PDE1A: variants seen among roughly 807,000 people sequenced by gnomAD.
The protein encoded by PDE1A is phosphodiesterase 1A.
Under a neutral mutation model 61.7 loss-of-function variants are expected in PDE1A, and 35 were observed. The ratio of observed to expected loss-of-function variants is 0.57; its 90% CI spans 0.43 to 0.75. The LOEUF (loss-of-function observed/expected upper bound fraction) is 0.75, where lower values mean the gene tolerates loss of function less well. Ranked by LOEUF, PDE1A falls within the 30% of genes least tolerant of loss-of-function variation. The pLI is 0.00. For missense variants in PDE1A, 597 were observed against 630.6 expected, an observed-to-expected ratio of 0.95 and a Z score of 0.57; for synonymous variants, 232 against 213.2, an observed-to-expected ratio of 1.09 and a Z score of -0.77.
At chr2:182,565,326 C>G in the PDE1A span, among the ~76,000 whole-genome samples, 2 of 152,266 alleles carry the variant, frequency 1.3e-5, no homozygotes, top group South Asian at 2.1e-4. Flanking sequence ...CACTCCAGAC[C>G]CTGTTTGCCT....
At chr2:182,516,694 GAGGAAGGGAGGA>G (rs1211773318) in intron 2 of PDE1A, among the ~76,000 whole-genome samples, 3 of 51,034 alleles carry the variant, frequency 5.9e-5, no homozygotes, top group South Asian at 1.8e-3. Flanking sequence ...GGAGGGAAGG[GAGGAAGGGAGGA>G]AGGAAGGAAG....
At chr2:182,250,973 T>C (rs1398670269) in intron 2 of PDE1A, among the ~76,000 whole-genome samples, 3 of 152,106 alleles carry the variant, frequency 2.0e-5, no homozygotes, top group Non-Finnish European at 4.4e-5. Flanking sequence ...CAAGATTGTA[T>C]TTTTGGAGTC....
intron 1 of PDE1A, among the ~76,000 whole-genome samples, chr2:182,291,750 T>G (rs1375987689): frequency 6.6e-6 from 1 of 152,124 alleles, no homozygotes; most frequent in Non-Finnish European, 1.5e-5. Context: ...AATGACAAAG[T>G]CCTGGATAAA....
chr2:182,626,899 A>G, the PDE1A span, among the ~76,000 whole-genome samples: 1 of 81,948 alleles, frequency 1.2e-5, no homozygotes, highest in Non-Finnish European at 2.4e-5. Flanking sequence ...ATATATATAC[A>G]TATATATATA....
chr2:182,679,188 A>ATTTT, the PDE1A span, among the ~76,000 whole-genome samples: 8 of 141,706 alleles, frequency 5.6e-5, no homozygotes, highest in African/African-American at 2.2e-4. Flanking sequence ...TATTATTATT[A>ATTTT]TTATTTTTTT....
At chr2:182,455,629 C>T (rs1165079439) in intron 2 of PDE1A, among the ~76,000 whole-genome samples, 1 of 152,000 alleles carries the variant, frequency 6.6e-6, no homozygotes, top group African/African-American at 2.4e-5. Flanking sequence ...AAACCGGAAG[C>T]CATCATTCTC....
chr2:182,221,587 G>GA (rs1688732179), intron 7 of PDE1A, among the ~76,000 whole-genome samples: 2 of 151,952 alleles, frequency 1.3e-5, no homozygotes. Context: ...CAATCTCTGG[G>GA]ACCCTGGGGT....
intron 2 of PDE1A, among the ~76,000 whole-genome samples, chr2:182,246,804 G>A (rs372524423): frequency 6.6e-6 from 1 of 151,936 alleles, no homozygotes; most frequent in African/African-American, 2.4e-5. Context: ...TTACAGTCTA[G>A]CAGCCTGGGC....
chr2:182,667,931 A>T, the PDE1A span, among the ~76,000 whole-genome samples: 1 of 152,192 alleles, frequency 6.6e-6, no homozygotes, highest in Non-Finnish European at 1.5e-5. Flanking sequence ...ATATCAAGGA[A>T]GTCCCACCAG....
intron 2 of PDE1A, among the ~76,000 whole-genome samples, chr2:182,263,311 G>C (rs996610064): frequency 1.3e-5 from 2 of 151,988 alleles, no homozygotes; most frequent in African/African-American, 4.8e-5. Context: ...ACCATTTGTG[G>C]GTCCTTCAGA....
At chr2:182,638,441 C>G in the PDE1A span, among the ~76,000 whole-genome samples, 4 of 152,032 alleles carry the variant, frequency 2.6e-5, no homozygotes, top group African/African-American at 4.8e-5. Context: ...GAGACAGAGG[C>G]AGGAGAATCA....
the PDE1A span, among the ~76,000 whole-genome samples, chr2:182,660,568 C>A: frequency 2.0e-5 from 3 of 152,170 alleles, no homozygotes; most frequent in Non-Finnish European, 4.4e-5. Context: ...GTTGTTCTGA[C>A]CTAATCAGGT....
chr2:182,654,178 A>G, the PDE1A span, among the ~76,000 whole-genome samples: 1 of 152,210 alleles, frequency 6.6e-6, no homozygotes, highest in South Asian at 2.1e-4. Context: ...CAAGTACCAG[A>G]GGCTATATTA....
intron 1 of PDE1A, among the ~76,000 whole-genome samples, chr2:182,331,169 G>T (rs982064355): frequency 1.3e-5 from 2 of 152,180 alleles, no homozygotes; most frequent in Non-Finnish European, 2.9e-5. Flanking sequence ...CACACAGTTA[G>T]GGAGTGGATG....
At chr2:182,518,937 AT>A (rs979673718) in intron 2 of PDE1A, among the ~76,000 whole-genome samples, 29 of 152,080 alleles carry the variant, frequency 1.9e-4, no homozygotes, top group African/African-American at 6.5e-4. Flanking sequence ...TAAATGTTTA[AT>A]TTTTTAATAA....
the PDE1A span, among the ~76,000 whole-genome samples, chr2:182,706,375 A>T: frequency 1.2e-4 from 18 of 152,198 alleles, no homozygotes; most frequent in Non-Finnish European, 2.5e-4. Flanking sequence ...GCAAAGACAC[A>T]TTCAGTTCTG....
chr2:182,260,280 C>T (rs1449066501), intron 2 of PDE1A, among the ~76,000 whole-genome samples: 6 of 152,136 alleles, frequency 3.9e-5, no homozygotes, highest in Non-Finnish European at 5.9e-5. Context: ...CTCACGGCAT[C>T]GAATTTTCTA....
In PDE1A at chr2:182,158,666, G is replaced by A. The variant is rs78115506; in HGVS notation, c.1517-11514C>T. On this transcript the variant is annotated intron_variant, in intron 13 of 13. Transcript: ENST00000409365. ...TTTCCTGACACGAATCAAAATTAGC[G>A]CATGGCTTCCAAGACCACTCACTAC... Among the ~76,000 whole-genome samples, 410 of 152,228 alleles carry A rather than the reference G, an allele frequency of 2.7e-3. 1 individual carries two copies. The highest frequency in any genetic ancestry group is 4.7e-3 in the Non-Finnish European group (322 of 68,012).
chr2:182,197,363 CT>C (rs146527250), intron 10 of PDE1A, among the ~76,000 whole-genome samples: 34,811 of 151,148 alleles, frequency 0.23, 4,221 homozygotes, highest in East Asian at 0.31. Flanking sequence ...TTTGCATTTT[CT>C]TAGTAGTGCC....
Sources: allele counts gnomAD v4.1 joint callset (sites outside exome capture counted in the v4.1 genomes callset), GRCh38; gene constraint gnomAD v4.1.1; transcripts MANE v1.5; gene names NCBI Gene and HGNC (gene_info 2026-07-23, HGNC 2026-07-21).